KIAA1217: variants seen among roughly 807,000 people sequenced by gnomAD.
KIAA1217 encodes sickle tail protein homolog.
In KIAA1217, 88 loss-of-function variants were observed where a neutral mutation model predicts 163.9. That is an observed-to-expected ratio of 0.54 (90% CI 0.45 to 0.64). The LOEUF (loss-of-function observed/expected upper bound fraction) is 0.64. Among genes scored for constraint, KIAA1217 ranks in the 30% least tolerant of loss-of-function variants. KIAA1217 has a pLI of 0.00. For synonymous variants in KIAA1217, 903 were observed against 923.1 expected (o/e 0.98, Z 0.39); for missense variants, 2,372 against 2,475.0 (o/e 0.96, Z 0.88).
chr10:23,880,682 G>T (rs1040840152), intron 1 of KIAA1217, among the ~76,000 whole-genome samples: 3 of 151,856 alleles, frequency 2.0e-5, no homozygotes, highest in Admixed American at 1.3e-4. Context: ...TATTATGCGT[G>T]GCATGCTTGT....
intron 1 of KIAA1217, among the ~76,000 whole-genome samples, chr10:23,855,559 C>T (rs969804129): frequency 6.6e-6 from 1 of 152,194 alleles, no homozygotes; most frequent in South Asian, 2.1e-4. Context: ...TGAATGTTGG[C>T]CTGCCTTGCT....
intron 1 of KIAA1217, among the ~76,000 whole-genome samples, chr10:23,966,124 G>A (rs1845056457): frequency 6.6e-6 from 1 of 152,104 alleles, no homozygotes; most frequent in Admixed American, 6.5e-5. Flanking sequence ...GCTTAGAAGG[G>A]CCCTGTGCCT....
intron 5 of KIAA1217, among the ~76,000 whole-genome samples, chr10:24,456,931 A>G (rs1564712843): frequency 6.6e-6 from 1 of 151,668 alleles, no homozygotes; most frequent in Non-Finnish European, 1.5e-5. Flanking sequence ...CGAATTCCTA[A>G]CCTCAAATGA....
intron 2 of KIAA1217, among the ~76,000 whole-genome samples, chr10:24,047,912 C>T (rs1019073961): frequency 6.6e-6 from 1 of 152,170 alleles, no homozygotes. Flanking sequence ...AAAAGGTGCA[C>T]TCAGTGTATG....
At chr10:24,404,036 TA>T (rs969371511) in intron 3 of KIAA1217, among the ~76,000 whole-genome samples, 36 of 152,132 alleles carry the variant, frequency 2.4e-4, no homozygotes, top group Non-Finnish European at 5.3e-4. Flanking sequence ...AGTTCCACCA[TA>T]GCCCCCATCT....
chr10:24,466,156 G>A lies in KIAA1217; in HGVS notation c.847-7072G>A, dbSNP rs555452721. On this transcript the variant is annotated intron_variant, in intron 5 of 20. Coordinates refer to ENST00000376454, the MANE Select transcript of KIAA1217 (RefSeq NM_019590.5). ...CAGACTTCAAAAGTCTGGCAGCAAA[G>A]TGGGTATTGGGTGCTGGTCTAGGTT... 7.9e-4 allele frequency among the ~76,000 whole-genome samples: 121 copies of A among 152,210 alleles called. No homozygotes were observed. In the Middle Eastern group the frequency reaches 0.02, roughly 26 times the overall value.
chr10:23,763,967 T>C (rs1564400379), intron 1 of KIAA1217, among the ~76,000 whole-genome samples: 1 of 152,074 alleles, frequency 6.6e-6, no homozygotes, highest in East Asian at 1.9e-4. Flanking sequence ...GGGATCTAAT[T>C]AAACTAAAGA....
intron 2 of KIAA1217, among the ~76,000 whole-genome samples, chr10:24,234,484 T>C (rs948804198): frequency 3.3e-5 from 5 of 151,716 alleles, no homozygotes; most frequent in Admixed American, 3.3e-4. Flanking sequence ...GCCAATATGG[T>C]GAAACCCTGT....
intron 2 of KIAA1217, among the ~76,000 whole-genome samples, chr10:24,133,855 C>A (rs191474505): frequency 6.6e-6 from 1 of 152,172 alleles, no homozygotes; most frequent in Admixed American, 6.5e-5. Context: ...GTTTTGTAAC[C>A]TACTGTGAAA....
chr10:24,494,464 C>A (rs3818672), intron 6 of KIAA1217, 36 bp from the exon 7 acceptor site: 329,073 of 1,553,722 alleles, frequency 0.21, 38,737 homozygotes, highest in South Asian at 0.37. Flanking sequence ...TTTGAAAGTC[C>A]ATAAAGCTTT....
chr10:24,403,286 T>C (rs1322616376), intron 3 of KIAA1217, among the ~76,000 whole-genome samples: 1 of 152,220 alleles, frequency 6.6e-6, no homozygotes, highest in African/African-American at 2.4e-5. Context: ...TTGCCCAGGC[T>C]GGAGTGCAAT....
chr10:24,092,415 AC>A (rs147751060), intron 2 of KIAA1217, among the ~76,000 whole-genome samples: 3,100 of 151,898 alleles, frequency 0.02, 60 homozygotes, highest in Middle Eastern at 0.071. Context: ...CCCACTCCCA[AC>A]AAAAATAACC....
chr10:23,881,087 C>G (rs982706053), intron 1 of KIAA1217, among the ~76,000 whole-genome samples: 4 of 150,404 alleles, frequency 2.7e-5, no homozygotes, highest in African/African-American at 9.8e-5. Context: ...CACTGGAGGT[C>G]TGGAGTAGAT....
chr10:24,414,426 G>T (rs1368368251), intron 3 of KIAA1217, among the ~76,000 whole-genome samples: 1 of 152,126 alleles, frequency 6.6e-6, no homozygotes, highest in South Asian at 2.1e-4. Context: ...TTATGATTGG[G>T]GTAGCTCAGT....
At chr10:23,894,391 T>C (rs536513943) in intron 1 of KIAA1217, among the ~76,000 whole-genome samples, 14 of 150,420 alleles carry the variant, frequency 9.3e-5, no homozygotes, top group African/African-American at 3.4e-4. Context: ...CCATTCACAA[T>C]TGCTTCAAAG....
intron 1 of KIAA1217, among the ~76,000 whole-genome samples, chr10:23,997,460 C>T (rs1359528180): frequency 6.6e-6 from 1 of 152,068 alleles, no homozygotes; most frequent in African/African-American, 2.4e-5. Context: ...ATTGTGGAAA[C>T]TGCAGTGAAA....
At chr10:23,712,305 AACTT>A (rs1837309255) in intron 1 of KIAA1217, among the ~76,000 whole-genome samples, 1 of 151,902 alleles carries the variant, frequency 6.6e-6, no homozygotes, top group South Asian at 2.1e-4. Flanking sequence ...CCTCACCAAT[AACTT>A]AGAGTTTGCC....
chr10:23,952,302 T>G (rs1364486263), intron 1 of KIAA1217, among the ~76,000 whole-genome samples: 1 of 152,238 alleles, frequency 6.6e-6, no homozygotes, highest in East Asian at 1.9e-4. Context: ...CCTTTTATTT[T>G]GCATTTCTGG....
chr10:24,294,809 G>A (rs379348), intron 2 of KIAA1217, among the ~76,000 whole-genome samples: 142,957 of 152,318 alleles, frequency 0.94, 67,342 homozygotes, highest in African/African-American at 0.97. Flanking sequence ...TGAAACTCTA[G>A]GACCTGAAAG....
Sources: allele counts gnomAD v4.1 joint callset (sites outside exome capture counted in the v4.1 genomes callset), GRCh38; gene constraint gnomAD v4.1.1; transcripts MANE v1.5; gene names NCBI Gene and HGNC (gene_info 2026-07-23, HGNC 2026-07-21).